MON2: variants seen among roughly 807,000 people sequenced by gnomAD.
MON2 encodes protein MON2 homolog.
In MON2, 84 loss-of-function variants were observed where a neutral mutation model predicts 208.6. That is an observed-to-expected ratio of 0.40 (90% CI 0.34 to 0.48). The LOEUF (loss-of-function observed/expected upper bound fraction) is 0.48. Ranked by LOEUF, MON2 falls within the 20% of genes least tolerant of loss-of-function variation. MON2 has a pLI of 0.59. For missense variants in MON2, 1,611 were observed against 2,015.4 expected (o/e 0.80, Z 3.84); for synonymous variants, 660 against 694.0 (o/e 0.95, Z 0.77).
chr12:62,476,597 G>A (rs980930853), intron 1 of MON2, among the ~76,000 whole-genome samples: 5 of 151,998 alleles, frequency 3.3e-5, no homozygotes, highest in Admixed American at 2.6e-4. Context: ...ACTACTGACC[G>A]GCTAATTTTT....
At chr12:62,591,914 A>G (rs569371480) in intron 34 of MON2, among the ~76,000 whole-genome samples, 67 of 152,226 alleles carry the variant, frequency 4.4e-4, no homozygotes, top group Non-Finnish European at 8.2e-4. Context: ...GGTGCCCAAC[A>G]TTATGCACAA....
In MON2 at chr12:62,549,884, G is replaced by T. The variant is rs1229163925; in HGVS notation, c.2916+54G>T. The T allele has an allele frequency of 1.1e-5, 13 of 1,196,498 alleles. No homozygotes were observed. In the African/African-American group the frequency reaches 1.9e-4, roughly 17 times the overall value. The allele number at this position is 1,196,498 out of a possible 1,614,324, so 74.1% of individuals were successfully genotyped here. On this transcript the variant is annotated intron_variant, in intron 23 of 34. Transcript: ENST00000393630. ...ATAATTTAGAAATCATTGTTATTCA[G>T]TTGGGAGTGAATGCTAAGCAAATAT... is the stretch of plus-strand genomic sequence containing the variant.
chr12:62,473,428 T>C (rs1402848318), intron 1 of MON2, among the ~76,000 whole-genome samples: 2 of 152,256 alleles, frequency 1.3e-5, no homozygotes, highest in Admixed American at 6.5e-5. Flanking sequence ...TTCTTGTTTT[T>C]GTTATTGTTC....
At chr12:62,559,772 CT>C (rs2074126878) in intron 25 of MON2, 2 of 66,492 alleles carry the variant, frequency 3.0e-5, no homozygotes, top group South Asian at 6.8e-4. Flanking sequence ...GATACCATCT[CT>C]TAAAAAAAAA....
rs5798644 is a variant in MON2, at chr12:62,481,515, C to CAAA, written c.112-2637_112-2635dup. ...TGGGCAACAGAGCGAGACTCCGTCT[C>CAAA]AAAAAAAAAAAAAAAAAAAATTACT... is the stretch of plus-strand genomic sequence containing the variant. On this transcript the variant is annotated intron_variant, in intron 1 of 34. Coordinates refer to ENST00000393630, the MANE Select transcript of MON2 (RefSeq NM_015026.3). Among the ~76,000 whole-genome samples the CAAA allele has an allele frequency of 3.7e-3, 411 of 110,134 alleles. 5 individuals are homozygous for CAAA. The highest frequency in any genetic ancestry group is 0.021 in the Middle Eastern group (4 of 192). 72.3% of individuals were successfully genotyped at this position (110,134 alleles called of 152,430 possible).
chr12:62,501,763 A>C, intron 7 of MON2, 65 bp downstream of exon 7: 2 of 1,577,092 alleles, frequency 1.3e-6, no homozygotes, highest in Non-Finnish European at 1.7e-6. Context: ...TTTTTAAAGA[A>C]AGCAACGTGT....
chr12:62,592,504 A>C lies in MON2; in HGVS notation c.4991-82A>C. ...GTTTCAGAGTTTTTTCTTTACATGCAGTTTAAAGGATTGTGTTCATGTTAA... is the reference window on the plus strand; with the variant it reads ...GTTTCAGAGTTTTTTCTTTACATGCCGTTTAAAGGATTGTGTTCATGTTAA... On this transcript the variant is annotated intron_variant, in intron 34 of 34. Transcript: ENST00000393630. The C allele has an allele frequency of 3.7e-6, 4 of 1,078,810 alleles. 1 individual carries two copies. In the South Asian group the frequency reaches 1.0e-4, roughly 28 times the overall value. The allele number at this position is 1,078,810 out of a possible 1,614,324, so 66.8% of individuals were successfully genotyped here. A position where few individuals can be genotyped will look rare whatever the true frequency, so the allele number is the denominator to read the frequency against.
chr12:62,473,664 G>C (rs2068909322), intron 1 of MON2, among the ~76,000 whole-genome samples: 1 of 152,112 alleles, frequency 6.6e-6, no homozygotes, highest in Non-Finnish European at 1.5e-5. Context: ...CTGTCTCCCA[G>C]GCTCAAATGA....
At chr12:62,570,079 G>A (rs2074533175) in intron 29 of MON2, among the ~76,000 whole-genome samples, 1 of 152,056 alleles carries the variant, frequency 6.6e-6, no homozygotes, top group South Asian at 2.1e-4. Context: ...ATGATGTTTT[G>A]GTTAATCTAG....
chr12:62,540,975 G>T (rs1175028284), intron 19 of MON2, among the ~76,000 whole-genome samples: 1 of 152,106 alleles, frequency 6.6e-6, no homozygotes, highest in East Asian at 1.9e-4. Context: ...ATATTCTAGG[G>T]ATTAAAGATG....
intron 11 of MON2, among the ~76,000 whole-genome samples, chr12:62,530,079 A>C (rs578022871): frequency 6.6e-6 from 1 of 152,156 alleles, no homozygotes; most frequent in Admixed American, 6.5e-5. Flanking sequence ...TAGATGCTAA[A>C]TTTTATTCCT....
intron 24 of MON2, among the ~76,000 whole-genome samples, chr12:62,554,212 C>G (rs1565678972): frequency 6.6e-6 from 1 of 152,152 alleles, no homozygotes; most frequent in Non-Finnish European, 1.5e-5. Flanking sequence ...TTTTTTCTCA[C>G]ACACCTTGCA....
At chr12:62,503,338 C>T (rs1179250462) in intron 7 of MON2, among the ~76,000 whole-genome samples, 2 of 152,108 alleles carry the variant, frequency 1.3e-5, no homozygotes, top group East Asian at 1.9e-4. Flanking sequence ...CATCACATCC[C>T]GACCATCACC....
intron 26 of MON2, 111 bp downstream of exon 26, chr12:62,561,224 G>A: frequency 1.2e-6 from 1 of 859,482 alleles, no homozygotes; most frequent in East Asian, 2.7e-5. Context: ...TGTTTTATAT[G>A]TATACTTTGG....
intron 1 of MON2, among the ~76,000 whole-genome samples, chr12:62,477,465 G>A (rs2069150418): frequency 6.6e-6 from 1 of 151,844 alleles, no homozygotes. Flanking sequence ...TTTCTCTGTT[G>A]CCCAGGCCGG....
Position 62,560,930 on chromosome 12 carries a change from C to T in MON2, c.3849C>T (p.Leu1283=). Residue 1283 remains leucine, a synonymous_variant, in exon 26 of 35, where the codon CTC becomes CTT. Transcript: ENST00000393630. ...CTTTAATTCAGATATTTCCAGCTCT[C>T]TACCAACACATAAAAACTGGTTTCA... ...LTALIQIFPA[L]YQHIKTGFNM... 3.7e-6 allele frequency: 6 copies of T among 1,613,852 alleles called. No homozygotes were observed. In the South Asian group the frequency reaches 5.5e-5, roughly 15 times the overall value.
intron 5 of MON2, among the ~76,000 whole-genome samples, chr12:62,500,149 G>A (rs971011109): frequency 6.6e-6 from 1 of 152,046 alleles, no homozygotes; most frequent in Admixed American, 6.6e-5. Context: ...TGTCTCTAAG[G>A]CTAATCTGCC....
chr12:62,553,960 G>A (rs1592379190), intron 24 of MON2, among the ~76,000 whole-genome samples: 2 of 152,146 alleles, frequency 1.3e-5, no homozygotes, highest in African/African-American at 4.8e-5. Flanking sequence ...GAGGCAGCAG[G>A]ATCACCTGAG....
intron 20 of MON2, among the ~76,000 whole-genome samples, chr12:62,544,248 C>T (rs898789022): frequency 6.6e-6 from 1 of 152,050 alleles, no homozygotes; most frequent in East Asian, 1.9e-4. Context: ...AGTTCAAGAC[C>T]AGCCTGGGCA....
Sources: gnomAD v4.1 joint callset for allele counts (sites outside exome capture counted in the v4.1 genomes callset) on GRCh38, gnomAD v4.1.1 for gene constraint, MANE v1.5 for transcripts, NCBI Gene and HGNC (gene_info 2026-07-23, HGNC 2026-07-21) for gene names.